Variants in FLRT1 observed in about 807,000 individuals in gnomAD.
The protein encoded by FLRT1 is fibronectin leucine rich transmembrane protein 1.
FLRT1 carries 14 observed loss-of-function variants against 30.9 expected under a neutral mutation model. The ratio of observed to expected loss-of-function variants is 0.45; its 90% CI spans 0.30 to 0.71. FLRT1 has a LOEUF of 0.71. FLRT1 is among the 30% of genes least tolerant of loss of function. The probability of loss-of-function intolerance (pLI) is 0.08; values close to 1 mark genes in which losing one functional copy is unlikely to be tolerated. For synonymous variants in FLRT1, 368 were observed against 430.4 expected, an observed-to-expected ratio of 0.85 and a Z score of 1.80; for missense variants, 737 against 949.2, an observed-to-expected ratio of 0.78 and a Z score of 2.94.
intron 1 of FLRT1, among the ~76,000 whole-genome samples, chr11:64,088,988 C>G (rs1394437229): frequency 1.3e-5 from 2 of 152,134 alleles, no homozygotes; most frequent in Admixed American, 6.5e-5. Flanking sequence ...TTACCAGACT[C>G]AGAGAGAGCC....
Position 64,036,762 on chromosome 11 carries a change from T to A in FLRT1, c.-1038+603T>A, listed in dbSNP as rs946387211. Among the ~76,000 whole-genome samples, 55 of 152,110 alleles carry A rather than the reference T, an allele frequency of 3.6e-4. No homozygotes were observed. Among genetic ancestry groups the A allele is most frequent in the African/African-American group, 1.3e-3 (54 of 41,448 alleles). On this transcript the variant is annotated intron_variant, in intron 1 of 2. Transcript: ENST00000682287. This position sits in a 1 kb window ranked among gnomAD's most constrained non-coding sequence, Gnocchi z 5.6. ...CGGGCGGGGGCTGGGGCCGTACACC[T>A]GGCGGCTGGAACGGTGAGACCATGG...
chr11:64,056,192 T>C (rs1565212169), intron 1 of FLRT1, among the ~76,000 whole-genome samples: 1 of 152,144 alleles, frequency 6.6e-6, no homozygotes, highest in Non-Finnish European at 1.5e-5. Flanking sequence ...CAAAAATGCC[T>C]GGGTGTCTTT....
intron 1 of FLRT1, among the ~76,000 whole-genome samples, chr11:64,070,339 C>G (rs1944084440): frequency 6.6e-6 from 1 of 152,160 alleles, no homozygotes; most frequent in Admixed American, 6.5e-5. Context: ...GGAGCTGTGA[C>G]TGAGAATTCC....
rs919080481 is a variant in FLRT1, at chr11:64,117,247, A to G, written c.980A>G (p.Asn327Ser). The stretch of plus-strand genomic sequence containing the variant: ...AACCTGGCCCAGCTGCTGCTCAGGA[A>G]CAACCCTTGGTTTTGTGGCTGCAAC... ...LGNLAQLLLR[N>S]NPWFCGCNLM... The change falls in exon 3 of 3, where the codon AAC becomes AGC. Residue 327 changes from asparagine (N) to serine (S), a missense_variant. Coordinates refer to ENST00000682287, the MANE Select transcript of FLRT1 (RefSeq NM_013280.5). The G allele has an allele frequency of 2.5e-6, 4 of 1,614,050 alleles. No homozygotes were observed. Among genetic ancestry groups the G allele is most frequent in the Non-Finnish European group, 3.4e-6 (4 of 1,180,030 alleles).
chr11:64,057,971 G>A (rs1226251372), intron 1 of FLRT1, among the ~76,000 whole-genome samples: 1 of 152,194 alleles, frequency 6.6e-6, no homozygotes, highest in East Asian at 1.9e-4. Flanking sequence ...CGCTGCCACT[G>A]CCACCCCACC....
intron 2 of FLRT1, among the ~76,000 whole-genome samples, chr11:64,112,636 G>T (rs550752171): frequency 1.3e-5 from 2 of 152,344 alleles, no homozygotes; most frequent in Admixed American, 6.5e-5. Context: ...TCTCGATAGG[G>T]TGCCCAGGAA....
At chr11:64,066,766 T>C (rs1944013773) in intron 1 of FLRT1, among the ~76,000 whole-genome samples, 1 of 151,934 alleles carries the variant, frequency 6.6e-6, no homozygotes, top group South Asian at 2.1e-4. Context: ...CCCTTCTGAG[T>C]ACTTAGATCA....
chr11:64,056,682 G>C (rs1188421917), intron 1 of FLRT1, among the ~76,000 whole-genome samples: 2 of 152,214 alleles, frequency 1.3e-5, no homozygotes, highest in Admixed American at 1.3e-4. Flanking sequence ...ACCCGGGGCT[G>C]TGCCCACCAG....
At chr11:64,055,253 G>A (rs1442841311) in intron 1 of FLRT1, among the ~76,000 whole-genome samples, 1 of 152,204 alleles carries the variant, frequency 6.6e-6, no homozygotes, top group South Asian at 2.1e-4. Flanking sequence ...GCTTTGCCTC[G>A]AATTTGCCTT....
In FLRT1 at chr11:64,117,607, C is replaced by T. The variant is rs779400742; in HGVS notation, c.1340C>T (p.Thr447Met). The change falls in exon 3 of 3, where the codon ACG becomes ATG. Residue 447 changes from threonine (T) to methionine (M), a missense_variant. By Grantham distance (81) the Thr-to-Met change is moderately conservative. Coordinates refer to ENST00000682287, the MANE Select transcript of FLRT1 (RefSeq NM_013280.5). Reference sequence around the variant, plus strand: ...CTGGCCATCCACGTGAAGGCCCTGACGGCAGACTCCATCCGCATCACGTGG... The same window carrying T: ...CTGGCCATCCACGTGAAGGCCCTGATGGCAGACTCCATCCGCATCACGTGG... ...KTLAIHVKAL[T>M]ADSIRITWKA... 7 of 1,613,568 alleles carry T rather than the reference C, an allele frequency of 4.3e-6. No homozygotes were observed. The highest frequency in any genetic ancestry group is 3.3e-5 in the Admixed American group (2 of 59,992).
Position 64,064,006 on chromosome 11 carries a change from C to T in FLRT1, c.-1038+27847C>T, listed in dbSNP as rs1482565079. Among the ~76,000 whole-genome samples, 1 of 152,126 alleles carries T rather than the reference C, an allele frequency of 6.6e-6. No individual in the cohort carries two copies. The highest frequency in any genetic ancestry group is 1.5e-5 in the Non-Finnish European group (1 of 68,006). On this transcript the variant is annotated intron_variant, in intron 1 of 2. Transcript: ENST00000682287. This position sits in a 1 kb window ranked among gnomAD's most constrained non-coding sequence, Gnocchi z 4.5. ...GTGACGGCTCCTCTTGTCAGGCAGC[C>T]GCAGGGAGAGAGCGCATCTTCACTG...
chr11:64,109,150 G>T (rs1944816243), intron 2 of FLRT1, among the ~76,000 whole-genome samples: 1 of 152,124 alleles, frequency 6.6e-6, no homozygotes, highest in African/African-American at 2.4e-5. Context: ...AGACAGGGAT[G>T]GGGGGCTATT....
rs1299444177 is a variant in FLRT1, at chr11:64,090,440, G to C, written c.-1037-12754G>C. Among the ~76,000 whole-genome samples the C allele has an allele frequency of 6.6e-6, 1 of 152,204 alleles. No individual in the cohort carries two copies. The highest frequency in any genetic ancestry group is 1.9e-4 in the East Asian group (1 of 5,202). ...CTCACCTCCAGCCCGGGCAGCAGTG[G>C]GTCGATAATAATTTACGAGGCAGCC... On this transcript the variant is annotated intron_variant, in intron 1 of 2. Transcript: ENST00000682287. The surrounding 1 kb of genome is among the most constrained non-coding windows in gnomAD (Gnocchi z 4.7).
rs936232422 is a variant in FLRT1, at chr11:64,096,755, G to A, written c.-1037-6439G>A. Among the ~76,000 whole-genome samples the A allele has an allele frequency of 6.6e-6, 1 of 152,190 alleles. No individual in the cohort carries two copies. The highest frequency in any genetic ancestry group is 6.5e-5 in the Admixed American group (1 of 15,278). ...GTGCCTAGAGTTGCTCTGTGAAGGG[G>A]CAGGCTCTGGCCGCAGTGCCCCTCC... is the stretch of plus-strand genomic sequence containing the variant. On this transcript the variant is annotated intron_variant, in intron 1 of 2. Coordinates refer to ENST00000682287, the MANE Select transcript of FLRT1 (RefSeq NM_013280.5). The surrounding 1 kb of genome is among the most constrained non-coding windows in gnomAD (Gnocchi z 4.6).
At chr11:64,089,618 A>AG (rs1379295438) in intron 1 of FLRT1, among the ~76,000 whole-genome samples, 3 of 152,204 alleles carry the variant, frequency 2.0e-5, no homozygotes, top group Non-Finnish European at 4.4e-5. Flanking sequence ...TCTCAGAGCA[A>AG]GGAACTCCCC....
At position 64,053,268 on chromosome 11, in the gene FLRT1, C is replaced by T. The variant is rs535815050; in HGVS notation, c.-1038+17109C>T. The stretch of plus-strand genomic sequence containing the variant: ...TGGTGCCTCAGTACACCTTGGGCCT[C>T]GTTAGGAGGTAGTTTTCCTGGCTTT... On this transcript the variant is annotated intron_variant, in intron 1 of 2. Coordinates refer to ENST00000682287, the MANE Select transcript of FLRT1 (RefSeq NM_013280.5). Among the ~76,000 whole-genome samples the T allele has an allele frequency of 2.6e-5, 4 of 152,234 alleles. No homozygotes were observed. The South Asian group carries it at 6.2e-4, about 24-fold the overall frequency.
chr11:64,058,731 C>T (rs1334443805), intron 1 of FLRT1, among the ~76,000 whole-genome samples: 1 of 152,282 alleles, frequency 6.6e-6, no homozygotes, highest in Non-Finnish European at 1.5e-5. Flanking sequence ...AATTACCTCG[C>T]CTCCTGCTTG....
At chr11:64,058,206 G>T (rs949890063) in intron 1 of FLRT1, among the ~76,000 whole-genome samples, 1 of 152,270 alleles carries the variant, frequency 6.6e-6, no homozygotes, top group African/African-American at 2.4e-5. Flanking sequence ...TCTTTCTGGG[G>T]CTGGTAGAGA....
chr11:64,068,361 T>G (rs1391199312), intron 1 of FLRT1, among the ~76,000 whole-genome samples: 2 of 152,228 alleles, frequency 1.3e-5, no homozygotes, highest in South Asian at 4.1e-4. Context: ...CCTGGCAGGC[T>G]CAGGCCCAGC....
Sources: allele counts gnomAD v4.1 joint callset (sites outside exome capture counted in the v4.1 genomes callset), GRCh38; gene constraint gnomAD v4.1.1; non-coding constraint Gnocchi (gnomAD v3.1); transcripts MANE v1.5; gene names NCBI Gene and HGNC (gene_info 2026-07-23, HGNC 2026-07-21).